RAB3GAP2: variants seen among roughly 807,000 people sequenced by gnomAD.
RAB3GAP2 encodes rab3 GTPase-activating protein non-catalytic subunit.
RAB3GAP2 carries 87 observed loss-of-function variants against 185.3 expected under a neutral mutation model. That is an observed-to-expected ratio of 0.47 (90% CI 0.39 to 0.56). The LOEUF (loss-of-function observed/expected upper bound fraction) is 0.56. RAB3GAP2 is among the 20% of genes least tolerant of loss of function. RAB3GAP2 has a pLI of 0.00. For synonymous variants in RAB3GAP2, 554 were observed against 576.1 expected, an observed-to-expected ratio of 0.96 and a Z score of 0.55; for missense variants, 1,492 against 1,638.2, an observed-to-expected ratio of 0.91 and a Z score of 1.54.
rs191009432 is a variant in RAB3GAP2, at chr1:220,266,499, G to A, written c.115+5724C>T. On this transcript the variant is annotated intron_variant, in intron 1 of 34. Coordinates refer to ENST00000358951, the MANE Select transcript of RAB3GAP2 (RefSeq NM_012414.4). Reference sequence around the variant, plus strand: ...CCAGTATAAGTAGCACAATTCTCGTGGCTACTTTCACTTCAGAGTGTCATG... The same window carrying A: ...CCAGTATAAGTAGCACAATTCTCGTAGCTACTTTCACTTCAGAGTGTCATG... 59 of 589,046 alleles carry A rather than the reference G, an allele frequency of 1.0e-4. No individual in the cohort carries two copies. In the African/African-American group the frequency reaches 1.0e-3, roughly 10 times the overall value. 36.5% of individuals were successfully genotyped at this position (589,046 alleles called of 1,614,324 possible).
intron 31 of RAB3GAP2, 36 bp downstream of exon 31, chr1:220,157,234 C>G: frequency 6.4e-7 from 1 of 1,566,322 alleles, no homozygotes; most frequent in Non-Finnish European, 8.8e-7. Context: ...AAGCCTGCAA[C>G]TCCAAAATAG....
intron 32 of RAB3GAP2, 25 bp downstream of exon 32, chr1:220,153,943 A>C: frequency 1.2e-6 from 2 of 1,611,186 alleles, no homozygotes; most frequent in Non-Finnish European, 1.7e-6. Context: ...AGAAACAAAA[A>C]CAAAATCCAA....
At chr1:220,197,590 A>C (rs1318607191) in intron 9 of RAB3GAP2, among the ~76,000 whole-genome samples, 1 of 152,156 alleles carries the variant, frequency 6.6e-6, no homozygotes, top group African/African-American at 2.4e-5. Context: ...AAATGTTTTC[A>C]CTACATTACA....
At chr1:220,209,505 C>T (rs988323847) in intron 7 of RAB3GAP2, among the ~76,000 whole-genome samples, 2 of 152,090 alleles carry the variant, frequency 1.3e-5, no homozygotes, top group Non-Finnish European at 2.9e-5. Flanking sequence ...AATTGAACTC[C>T]TCTTTCTCTA....
At chr1:220,185,826 C>T (rs112384141) in intron 17 of RAB3GAP2, 85 bp from the exon 18 acceptor site, 303 of 984,866 alleles carry the variant, frequency 3.1e-4, no homozygotes, top group Non-Finnish European at 4.2e-4. Context: ...CAAACTTTCA[C>T]TACCCCAAAT....
At chr1:220,259,579 T>C (rs930241223) in intron 1 of RAB3GAP2, among the ~76,000 whole-genome samples, 1 of 152,124 alleles carries the variant, frequency 6.6e-6, no homozygotes, top group Non-Finnish European at 1.5e-5. Context: ...TTACAACATA[T>C]ACAAAATTTA....
intron 2 of RAB3GAP2, among the ~76,000 whole-genome samples, chr1:220,215,751 T>C (rs1269676888): frequency 6.6e-6 from 1 of 152,166 alleles, no homozygotes; most frequent in African/African-American, 2.4e-5. Context: ...TCTATTCTCT[T>C]ACAGCTTCTG....
intron 21 of RAB3GAP2, among the ~76,000 whole-genome samples, chr1:220,181,450 G>A (rs1469600135): frequency 6.6e-6 from 1 of 152,096 alleles, no homozygotes; most frequent in African/African-American, 2.4e-5. Context: ...GGAAGATGGG[G>A]TAACTTTCCT....
rs1372340780 is a variant in RAB3GAP2 at position 220,239,522 on chromosome 1, C to T, written c.116-6659G>A. Among the ~76,000 whole-genome samples the T allele has an allele frequency of 3.3e-5, 5 of 152,304 alleles. No homozygotes were observed. The Middle Eastern group carries it at 0.01, about 311-fold the overall frequency. ...CTGGGATTACAGACATGAGCCACTG[C>T]ACCCGGCCTTCAAATAACTTTTGTA... On this transcript the variant is annotated intron_variant, in intron 1 of 34. Transcript: ENST00000358951.
intron 1 of RAB3GAP2, among the ~76,000 whole-genome samples, chr1:220,244,527 T>C (rs1659760646): frequency 1.3e-5 from 2 of 152,090 alleles, no homozygotes; most frequent in Non-Finnish European, 2.9e-5. Context: ...AATACCATCA[T>C]CATTTTTTCA....
chr1:220,202,376 T>C lies in RAB3GAP2; in HGVS notation c.713-2A>G, dbSNP rs797045103. On this transcript the variant is annotated splice_acceptor_variant, in intron 8 of 34. Coordinates refer to ENST00000358951, the MANE Select transcript of RAB3GAP2 (RefSeq NM_012414.4). LOFTEE classifies it high-confidence loss of function. ...TGTTCTCATTGCCTGATGCTGCAGC[T>C]ACCAAAGATAAAATAAGACAATCCA... is the stretch of plus-strand genomic sequence containing the variant. The C allele has an allele frequency of 1.1e-5, 17 of 1,611,754 alleles. No individual in the cohort carries two copies. The Admixed American group carries it at 1.5e-4, about 14-fold the overall frequency.
chr1:220,245,712 G>A (rs1280590235), intron 1 of RAB3GAP2, among the ~76,000 whole-genome samples: 3 of 151,990 alleles, frequency 2.0e-5, no homozygotes, highest in Non-Finnish European at 4.4e-5. Context: ...ACCTCTGGGG[G>A]CAGGGCACAG....
At chr1:220,235,261 T>C (rs1659570793) in intron 1 of RAB3GAP2, among the ~76,000 whole-genome samples, 1 of 152,210 alleles carries the variant, frequency 6.6e-6, no homozygotes, top group Admixed American at 6.5e-5. Context: ...GCTTGTTTTT[T>C]GGCGATTTAA....
chr1:220,213,251 T>C (rs1279030576), intron 3 of RAB3GAP2, among the ~76,000 whole-genome samples: 1 of 152,158 alleles, frequency 6.6e-6, no homozygotes, highest in East Asian at 1.9e-4. Flanking sequence ...ATGCCCACCC[T>C]GCCTAGTTTA....
rs201003426 is a variant in RAB3GAP2, at chr1:220,272,314, G to C, written c.24C>G (p.Phe8Leu). The C allele has an allele frequency of 6.2e-7, 1 of 1,612,300 alleles. No individual in the cohort carries two copies. Among genetic ancestry groups the C allele is most frequent in the East Asian group, 2.2e-5 (1 of 44,810 alleles). ...CGGCCTGGAGGTCCTGGAAGTAGCAGAACTGGACAATGGAGCAGGCCATGG... is the reference window on the plus strand; with the variant it reads ...CGGCCTGGAGGTCCTGGAAGTAGCACAACTGGACAATGGAGCAGGCCATGG... The part of the protein sequence containing the change: MACSIVQ[F>L]CYFQDLQAAR... The change falls in exon 1 of 35, where the codon TTC (phenylalanine) becomes TTG (leucine). Residue 8 changes from phenylalanine to leucine, a missense_variant. Coordinates refer to ENST00000358951, the MANE Select transcript of RAB3GAP2 (RefSeq NM_012414.4).
chr1:220,179,005 T>C (rs1344326688), intron 21 of RAB3GAP2, among the ~76,000 whole-genome samples: 1 of 151,954 alleles, frequency 6.6e-6, no homozygotes, highest in Admixed American at 6.6e-5. Context: ...ACTTCACCTA[T>C]AAAGGCTAAC....
intron 1 of RAB3GAP2, 88 bp from the exon 2 acceptor site, chr1:220,232,951 C>A: frequency 2.9e-6 from 3 of 1,043,266 alleles, no homozygotes; most frequent in Admixed American, 1.7e-5. Flanking sequence ...ATAGAACCAA[C>A]CCCTGTATAA....
At chr1:220,165,199 T>C (rs145436503) in intron 26 of RAB3GAP2, among the ~76,000 whole-genome samples, 37 of 148,454 alleles carry the variant, frequency 2.5e-4, no homozygotes, top group Middle Eastern at 3.4e-3. Context: ...CCAAGCCCTA[T>C]TTGAAGCACG....
chr1:220,236,378 A>G (rs967221637), intron 1 of RAB3GAP2, among the ~76,000 whole-genome samples: 1 of 152,074 alleles, frequency 6.6e-6, no homozygotes, highest in African/African-American at 2.4e-5. Flanking sequence ...GGGTTTCACC[A>G]TGTTGGCCAG....
Sources: allele counts gnomAD v4.1 joint callset (sites outside exome capture counted in the v4.1 genomes callset), GRCh38; gene constraint gnomAD v4.1.1; transcripts MANE v1.5; gene names NCBI Gene and HGNC (gene_info 2026-07-23, HGNC 2026-07-21).